The following NUP37 variants were observed in gnomAD, a reference collection of about 807,000 sequenced individuals.
The protein encoded by NUP37 is nucleoporin Nup37.
Under a neutral mutation model 45.4 loss-of-function variants are expected in NUP37, and 33 were observed. The observed-to-expected ratio is 0.73, with a 90% confidence interval of 0.55 to 0.97. The LOEUF (loss-of-function observed/expected upper bound fraction) is 0.97. Among genes scored for constraint, NUP37 ranks in the 50% least tolerant of loss-of-function variants. NUP37 has a pLI of 0.00. For synonymous variants in NUP37, 127 were observed against 130.7 expected (o/e 0.97, Z 0.19); for missense variants, 365 against 389.7 (o/e 0.94, Z 0.53).
chr12:102,089,962 T>TAC (rs369657917), intron 5 of NUP37, among the ~76,000 whole-genome samples: 24 of 151,906 alleles, frequency 1.6e-4, no homozygotes, highest in South Asian at 6.3e-4. Flanking sequence ...TACGATCACA[T>TAC]ACACACACAC....
intron 5 of NUP37, among the ~76,000 whole-genome samples, chr12:102,089,416 C>T (rs573576204): frequency 1.8e-4 from 26 of 145,594 alleles, no homozygotes; most frequent in African/African-American, 6.2e-4. Flanking sequence ...CGGGCAGAGG[C>T]GTTCCTCACT....
chr12:102,081,555 T>C (rs1475446922), intron 6 of NUP37, among the ~76,000 whole-genome samples: 1 of 152,256 alleles, frequency 6.6e-6, no homozygotes, highest in Admixed American at 6.5e-5. Context: ...GCTTGAACTT[T>C]TGGTGCTTTG....
intron 2 of NUP37, among the ~76,000 whole-genome samples, 195 bp downstream of exon 2, chr12:102,118,168 T>A (rs1018952703): frequency 3.3e-5 from 5 of 152,318 alleles, no homozygotes; most frequent in Non-Finnish European, 7.4e-5. Context: ...CTCATACCAT[T>A]CTTTTTCACT....
Position 102,077,366 on chromosome 12 carries a change from G to A in NUP37, c.678C>T (p.Ala226=), listed in dbSNP as rs767961584. ...AAATTAACCAATCATTTCCTGCAAC[G>A]GCTCCAACTTTGAAGGTGTTTTTTA... ...WCLKNTFKVG[A]VAGNDWLIWD... Residue 226 remains alanine, a synonymous_variant, in exon 7 of 10, where the codon GCC becomes GCT. Coordinates refer to ENST00000552283, the MANE Select transcript of NUP37 (RefSeq NM_024057.4). The A allele has an allele frequency of 8.7e-6, 14 of 1,614,048 alleles. No homozygotes were observed. The highest frequency in any genetic ancestry group is 1.7e-4 in the Middle Eastern group (1 of 6,058).
chr12:102,105,920 TA>T (rs1213177272), intron 3 of NUP37, among the ~76,000 whole-genome samples: 1 of 150,858 alleles, frequency 6.6e-6, no homozygotes. Flanking sequence ...TAACCCCTGG[TA>T]ACTACGAGTG....
intron 5 of NUP37, among the ~76,000 whole-genome samples, chr12:102,091,859 A>G (rs1879666497): frequency 6.6e-6 from 1 of 152,190 alleles, no homozygotes; most frequent in South Asian, 2.1e-4. Flanking sequence ...AAGATTATGA[A>G]TTATGCTTAT....
chr12:102,092,715 G>A (rs765314832), intron 5 of NUP37, among the ~76,000 whole-genome samples: 11 of 152,142 alleles, frequency 7.2e-5, no homozygotes, highest in Non-Finnish European at 1.6e-4. Flanking sequence ...CAAATCTAGA[G>A]ATTAGATGGA....
At chr12:102,110,718 T>A (rs890040889) in intron 3 of NUP37, among the ~76,000 whole-genome samples, 1 of 151,962 alleles carries the variant, frequency 6.6e-6, no homozygotes, top group East Asian at 1.9e-4. Flanking sequence ...GATGGGCGCC[T>A]ATAGTCCCAG....
intron 2 of NUP37, among the ~76,000 whole-genome samples, chr12:102,116,428 A>G (rs1339994367): frequency 6.6e-6 from 1 of 152,184 alleles, no homozygotes; most frequent in African/African-American, 2.4e-5. Context: ...TTTTTCAAGT[A>G]CGTAACATTG....
At chr12:102,094,317 A>G (rs912573367) in intron 5 of NUP37, among the ~76,000 whole-genome samples, 6 of 152,176 alleles carry the variant, frequency 3.9e-5, no homozygotes, top group Non-Finnish European at 7.4e-5. Flanking sequence ...CTATAACAGT[A>G]TAATAAATCA....
chr12:102,096,628 C>A (rs1367829381), intron 5 of NUP37, among the ~76,000 whole-genome samples: 1 of 152,076 alleles, frequency 6.6e-6, no homozygotes, highest in East Asian at 1.9e-4. Flanking sequence ...GTACAGAATA[C>A]ATATTGTAGA....
At chr12:102,114,744 A>G (rs1880415581) in intron 2 of NUP37, among the ~76,000 whole-genome samples, 3 of 152,014 alleles carry the variant, frequency 2.0e-5, no homozygotes, top group Admixed American at 2.0e-4. Context: ...TTGAATCCCT[A>G]GGAGAGCATC....
At chr12:102,106,454 T>C (rs1880158056) in intron 3 of NUP37, among the ~76,000 whole-genome samples, 1 of 152,196 alleles carries the variant, frequency 6.6e-6, no homozygotes, top group Admixed American at 6.5e-5. Flanking sequence ...TATTACTTCT[T>C]AGCTATGCAA....
intron 6 of NUP37, among the ~76,000 whole-genome samples, chr12:102,081,756 G>A (rs954405336): frequency 6.6e-6 from 1 of 151,832 alleles, no homozygotes; most frequent in Admixed American, 6.6e-5. Context: ...TGTTGCCCAG[G>A]CTGAAGGGCT....
chr12:102,098,449 T>C (rs73185916), intron 5 of NUP37, among the ~76,000 whole-genome samples: 6,353 of 152,230 alleles, frequency 0.042, 201 homozygotes, highest in African/African-American at 0.08. Context: ...AAACTTATCA[T>C]ACAGCATCTG....
At position 102,099,294 on chromosome 12, in the gene NUP37, T is replaced by A. The variant is rs1445050693; in HGVS notation, c.355-94A>T. 6 of 784,336 alleles carry A rather than the reference T, an allele frequency of 7.6e-6. No homozygotes were observed. In the Admixed American group the frequency reaches 1.4e-4, roughly 19 times the overall value. 48.6% of individuals were successfully genotyped at this position (784,336 alleles called of 1,614,324 possible). ...ATTTTTGCTTCACTGCCTTAAAAGCTTTCACTGCCTGTTTTTCTATAAATA... is the reference window on the plus strand; with the variant it reads ...ATTTTTGCTTCACTGCCTTAAAAGCATTCACTGCCTGTTTTTCTATAAATA... On this transcript the variant is annotated intron_variant, in intron 4 of 9. Transcript: ENST00000552283.
chr12:102,113,357 A>G (rs1220008078), intron 2 of NUP37, among the ~76,000 whole-genome samples: 3 of 152,188 alleles, frequency 2.0e-5, no homozygotes, highest in African/African-American at 7.2e-5. Context: ...AATACCTACC[A>G]TGAGTAAGGG....
At position 102,074,995 on chromosome 12, in the gene NUP37, C is replaced by T; in HGVS notation, c.867+6G>A. On this transcript the variant is annotated splice_donor_region_variant and intron_variant, in intron 9 of 9. Transcript: ENST00000552283. Reference sequence around the variant, plus strand: ...GCACGTATGTTACAAAACATTTCCACATTACCTGAGGGTGTCCTAAATGAT... The same window carrying T: ...GCACGTATGTTACAAAACATTTCCATATTACCTGAGGGTGTCCTAAATGAT... 6.4e-7 allele frequency: 1 copy of T among 1,553,618 alleles called. No homozygotes were observed. The highest frequency in any genetic ancestry group is 8.7e-7 in the Non-Finnish European group (1 of 1,144,154).
rs372540164 is a variant in NUP37 at position 102,117,413 on chromosome 12, G to A, written c.156+950C>T. ...TATAGTGAGCCGAGGTTGACCTCCA[G>A]CCTGGGCGACCAAGCAAAACTCTGT... On this transcript the variant is annotated intron_variant, in intron 2 of 9. Transcript: ENST00000552283. Among the ~76,000 whole-genome samples the A allele has an allele frequency of 1.1e-4, 17 of 151,494 alleles. 1 individual carries two copies. The highest frequency in any genetic ancestry group is 2.0e-4 in the Admixed American group (3 of 15,224).
Sources: allele counts gnomAD v4.1 joint callset (sites outside exome capture counted in the v4.1 genomes callset), GRCh38; gene constraint gnomAD v4.1.1; transcripts MANE v1.5; gene names NCBI Gene and HGNC (gene_info 2026-07-23, HGNC 2026-07-21).